CCNY: variants seen among roughly 807,000 people sequenced by gnomAD.
The protein encoded by CCNY is cyclin Y.
CCNY carries 19 observed loss-of-function variants against 42.8 expected under a neutral mutation model. That is an observed-to-expected ratio of 0.44 (90% confidence interval 0.31 to 0.65). The LOEUF is 0.65. Ranked by LOEUF, CCNY falls within the 30% of genes least tolerant of loss-of-function variation. CCNY has a pLI of 0.07. For synonymous variants in CCNY, 165 were observed against 162.7 expected (o/e 1.01, Z -0.11); for missense variants, 370 against 437.3 (o/e 0.85, Z 1.37).
intron 1 of CCNY, among the ~76,000 whole-genome samples, chr10:35,441,588 T>G (rs1189706173): frequency 1.3e-5 from 2 of 151,846 alleles, no homozygotes; most frequent in Non-Finnish European, 2.9e-5. Context: ...CAACTAAAAA[T>G]AAAAAAGGAA....
chr10:35,550,630 GC>G (rs1021367742), intron 7 of CCNY, among the ~76,000 whole-genome samples: 13 of 152,072 alleles, frequency 8.5e-5, no homozygotes, highest in African/African-American at 2.7e-4. Flanking sequence ...GTTTTCTTGT[GC>G]AAGAGGACAC....
intron 1 of CCNY, among the ~76,000 whole-genome samples, chr10:35,349,207 T>G (rs1589051255): frequency 1.3e-5 from 2 of 152,024 alleles, no homozygotes; most frequent in Non-Finnish European, 2.9e-5. Flanking sequence ...GAGTGAAGGG[T>G]ACCTCTGGAA....
chr10:35,340,975 T>C (rs1836167108), intron 1 of CCNY, among the ~76,000 whole-genome samples: 2 of 152,084 alleles, frequency 1.3e-5, no homozygotes, highest in South Asian at 4.2e-4. Flanking sequence ...AGCTGCCATC[T>C]CCCCCAGCCC....
chr10:35,301,985 C>G (rs559488801), intron 3 of CCNY, among the ~76,000 whole-genome samples: 1 of 150,862 alleles, frequency 6.6e-6, no homozygotes, highest in Admixed American at 6.6e-5. Context: ...TTTTTTGAGG[C>G]GGAGTTTTGC....
intron 3 of CCNY, among the ~76,000 whole-genome samples, chr10:35,326,109 T>C (rs989787417): frequency 7.9e-5 from 12 of 152,044 alleles, no homozygotes; most frequent in Admixed American, 7.2e-4. Context: ...TGAGATACAG[T>C]TTACATAAAA....
rs552185471 is a variant in CCNY, at chr10:35,488,514, TTC to T, written c.229+5039_229+5040del. 9.4e-3 allele frequency among the ~76,000 whole-genome samples: 1,426 copies of T among 152,276 alleles called. 13 individuals are homozygous for T. Among genetic ancestry groups the T allele is most frequent in the Non-Finnish European group, 0.017 (1,124 of 68,016 alleles). On this transcript the variant is annotated intron_variant, in intron 2 of 9. Transcript: ENST00000374704. ...GGTGTGCAGGTGCTGGGGTGCCCCT[TTC>T]TCCAGCTGCCCTCAGTTGCTCGGTG...
At chr10:35,261,140 A>C (rs2095719228) in intron 3 of CCNY, among the ~76,000 whole-genome samples, 1 of 151,718 alleles carries the variant, frequency 6.6e-6, no homozygotes, top group South Asian at 2.1e-4. Flanking sequence ...AACAAAACTG[A>C]ATAGCTTTGG....
At chr10:35,510,121 A>G (rs183783949) in intron 3 of CCNY, among the ~76,000 whole-genome samples, 9 of 152,282 alleles carry the variant, frequency 5.9e-5, no homozygotes, top group Non-Finnish European at 1.2e-4. Context: ...ATTAAAAAAA[A>G]TTGTGGAGCT....
At chr10:35,562,073 A>G (rs1010866781) in intron 8 of CCNY, among the ~76,000 whole-genome samples, 1 of 152,214 alleles carries the variant, frequency 6.6e-6, no homozygotes, top group Non-Finnish European at 1.5e-5. Flanking sequence ...TTCACCATGC[A>G]GAGTTCTGTA....
intron 7 of CCNY, among the ~76,000 whole-genome samples, chr10:35,540,946 G>GT (rs1840986865): frequency 6.6e-6 from 1 of 151,870 alleles, no homozygotes; most frequent in South Asian, 2.1e-4. Context: ...GAATTTTGTT[G>GT]TTTTTTCCAA....
chr10:35,331,450 A>G (rs1250281791), intron 3 of CCNY, among the ~76,000 whole-genome samples: 1 of 152,188 alleles, frequency 6.6e-6, no homozygotes, highest in East Asian at 1.9e-4. Flanking sequence ...GAGGTAGATA[A>G]ATCAGTTTCC....
chr10:35,472,347 G>A (rs1009128921), intron 1 of CCNY, among the ~76,000 whole-genome samples: 8 of 152,188 alleles, frequency 5.3e-5, no homozygotes, highest in African/African-American at 1.9e-4. Context: ...TACTGTTTGA[G>A]CATCTCTTTG....
At chr10:35,278,263 G>A (rs1302297960) in intron 3 of CCNY, among the ~76,000 whole-genome samples, 1 of 152,108 alleles carries the variant, frequency 6.6e-6, no homozygotes, top group African/African-American at 2.4e-5. Context: ...TCATGTCCCA[G>A]CAAAGTCCAA....
intron 1 of CCNY, among the ~76,000 whole-genome samples, chr10:35,392,949 A>C (rs1311346101): frequency 6.6e-6 from 1 of 152,078 alleles, no homozygotes; most frequent in East Asian, 1.9e-4. Context: ...AAGTCAGTTT[A>C]GCTACAACCT....
At chr10:35,386,625 G>A (rs920627014) in intron 1 of CCNY, among the ~76,000 whole-genome samples, 1 of 152,124 alleles carries the variant, frequency 6.6e-6, no homozygotes, top group Non-Finnish European at 1.5e-5. Flanking sequence ...AGTCCACATG[G>A]TGGTGACTTG....
At chr10:35,440,301 A>T (rs2135294253) in intron 1 of CCNY, among the ~76,000 whole-genome samples, 1 of 152,286 alleles carries the variant, frequency 6.6e-6, no homozygotes, top group African/African-American at 2.4e-5. Flanking sequence ...AAACTCAGGG[A>T]ACTCACCCCT....
chr10:35,341,590 A>G (rs1836184649), intron 1 of CCNY, among the ~76,000 whole-genome samples: 1 of 152,236 alleles, frequency 6.6e-6, no homozygotes, highest in African/African-American at 2.4e-5. Context: ...ATATTTGTTG[A>G]ATGAATTTGT....
At chr10:35,309,827 T>A (rs1401134972) in intron 3 of CCNY, among the ~76,000 whole-genome samples, 2 of 151,928 alleles carry the variant, frequency 1.3e-5, no homozygotes, top group African/African-American at 4.8e-5. Context: ...AGAGACAGAG[T>A]CTCGCTCTGT....
chr10:35,494,877 A>G (rs892982533), intron 2 of CCNY, among the ~76,000 whole-genome samples: 1 of 152,226 alleles, frequency 6.6e-6, no homozygotes, highest in Admixed American at 6.5e-5. Flanking sequence ...ACACATCAGA[A>G]TATTAATAGT....
Sources: allele counts gnomAD v4.1 joint callset (sites outside exome capture counted in the v4.1 genomes callset), GRCh38; gene constraint gnomAD v4.1.1; transcripts MANE v1.5; gene names NCBI Gene and HGNC (gene_info 2026-07-23, HGNC 2026-07-21).